PRKX: variants seen among roughly 807,000 people sequenced by gnomAD.
PRKX encodes the protein cAMP-dependent protein kinase catalytic subunit PRKX.
Under a neutral mutation model 22.0 loss-of-function variants are expected in PRKX, and 12 were observed. The ratio of observed to expected loss-of-function variants is 0.54; its 90% CI spans 0.35 to 0.88. The LOEUF is 0.88. PRKX is among the 40% of genes least tolerant of loss of function. The pLI is 0.01. For synonymous variants in PRKX, 134 were observed against 137.7 expected, an observed-to-expected ratio of 0.97 and a Z score of 0.19; for missense variants, 217 against 308.0, an observed-to-expected ratio of 0.70 and a Z score of 2.21.
chrX:3,681,197 C>T (rs1315954679), intron 1 of PRKX, among the ~76,000 whole-genome samples: 2 of 111,754 alleles, frequency 1.8e-5, no homozygotes, highest in Non-Finnish European at 3.8e-5. Flanking sequence ...GCCTGGGCAA[C>T]ATGGTGAGAT....
rs751417341 is a variant in PRKX at position 3,617,245 on chromosome X, C to A, written c.874-1353G>T. On this transcript the variant is annotated intron_variant, in intron 6 of 8. Coordinates refer to ENST00000262848, the MANE Select transcript of PRKX (RefSeq NM_005044.5). ...TACACATGTATTATATATATATATA[C>A]ACATATACATATGTACTTTACACAC... 2.9e-5 allele frequency among the ~76,000 whole-genome samples: 3 copies of A among 104,406 alleles called. No homozygotes were observed. In the East Asian group the frequency reaches 8.6e-4, roughly 30 times the overall value. The allele number at this position is 104,406 out of a possible 115,157, so 90.7% of individuals were successfully genotyped here. A position where few individuals can be genotyped will look rare whatever the true frequency, so the allele number is the denominator to read the frequency against.
At chrX:3,622,783 C>A (rs1926583806) in intron 5 of PRKX, among the ~76,000 whole-genome samples, 1 of 111,254 alleles carries the variant, frequency 9.0e-6, no homozygotes, top group African/African-American at 3.3e-5. Context: ...AAGTTAGAAA[C>A]CTTTCCACTA....
chrX:3,667,664 G>A (rs774106768), intron 2 of PRKX, among the ~76,000 whole-genome samples: 3 of 110,915 alleles, frequency 2.7e-5, no homozygotes, highest in Admixed American at 9.7e-5. Flanking sequence ...ATGCACAGCT[G>A]AGCCAGAGCC....
At chrX:3,702,055 T>C (rs1034361208) in intron 1 of PRKX, among the ~76,000 whole-genome samples, 3 of 112,109 alleles carry the variant, frequency 2.7e-5, no homozygotes, top group Admixed American at 9.5e-5. Flanking sequence ...CTCTATGGAT[T>C]TGCCTTGAAT....
chrX:3,676,174 T>C, intron 1 of PRKX, among the ~76,000 whole-genome samples: 1 of 111,893 alleles, frequency 8.9e-6, no homozygotes, highest in Admixed American at 9.6e-5. Flanking sequence ...CAGACAGAGA[T>C]GAGCAACTAA....
Position 3,606,360 on chromosome X carries a change from G to A in PRKX, c.*2609C>T, listed in dbSNP as rs1926173153. On this transcript the variant is annotated 3_prime_UTR_variant, in exon 9 of 9. Transcript: ENST00000262848. ...TGCGGACATTTTGGAATGCCCACCC[G>A]GGTCAGCTATTTGTATTTTTTTTAT... 8.9e-6 allele frequency: 1 copy of A among 111,844 alleles called. No homozygotes were observed. The highest frequency in any genetic ancestry group is 3.8e-4 in the South Asian group (1 of 2,655). 9.2% of individuals were successfully genotyped at this position (111,844 alleles called of 1,213,427 possible).
chrX:3,680,130 CTGTTGTTGTTGT>C (rs34465309), intron 1 of PRKX, among the ~76,000 whole-genome samples: 17 of 107,925 alleles, frequency 1.6e-4, no homozygotes, highest in Middle Eastern at 4.7e-3. Flanking sequence ...ACATCCTGGC[CTGTTGTTGTTGT>C]TGTTGTTGTT....
At chrX:3,706,984 G>A (rs1453127805) in intron 1 of PRKX, among the ~76,000 whole-genome samples, 1 of 111,279 alleles carries the variant, frequency 9.0e-6, no homozygotes, top group African/African-American at 3.3e-5. Context: ...TAAATTAGCT[G>A]AGTGTGGTGG....
chrX:3,631,968 A>G (rs1926793019), intron 4 of PRKX, among the ~76,000 whole-genome samples: 1 of 112,398 alleles, frequency 8.9e-6, no homozygotes, highest in Admixed American at 9.5e-5. Context: ...AGAACTACAC[A>G]CATGAACTGT....
intron 2 of PRKX, among the ~76,000 whole-genome samples, chrX:3,657,529 C>T (rs1329604852): frequency 1.8e-5 from 2 of 112,334 alleles, no homozygotes; most frequent in Non-Finnish European, 3.8e-5. Flanking sequence ...GTTTAATCCA[C>T]ACCGTCTATG....
At chrX:3,703,765 G>A (rs1368606374) in intron 1 of PRKX, among the ~76,000 whole-genome samples, 1 of 100,981 alleles carries the variant, frequency 9.9e-6, no homozygotes, top group Non-Finnish European at 2.0e-5. Flanking sequence ...TCTATCTCCC[G>A]GGTTCAAGTG....
chrX:3,677,536 GA>G (rs1927989644), intron 1 of PRKX, among the ~76,000 whole-genome samples: 1 of 104,815 alleles, frequency 9.5e-6, no homozygotes. Flanking sequence ...GTTTGAGAAG[GA>G]AAAAAAAAGA....
intron 5 of PRKX, among the ~76,000 whole-genome samples, chrX:3,622,550 A>T (rs1285215050): frequency 1.8e-5 from 2 of 110,673 alleles, no homozygotes; most frequent in African/African-American, 6.6e-5. Context: ...AGACTCCACC[A>T]TCTAGATTGT....
At chrX:3,672,729 A>C (rs1347063608) in intron 2 of PRKX, among the ~76,000 whole-genome samples, 1 of 111,157 alleles carries the variant, frequency 9.0e-6, no homozygotes, top group Non-Finnish European at 1.9e-5. Flanking sequence ...ACAGACATGC[A>C]TTCTCAGTCC....
chrX:3,671,148 T>C (rs750353205), intron 2 of PRKX, among the ~76,000 whole-genome samples: 26 of 111,911 alleles, frequency 2.3e-4, no homozygotes, highest in African/African-American at 7.1e-4. Context: ...GAGATTCTAG[T>C]GCCCCAGCCT....
chrX:3,613,854 C>CAAAAAAAAAAAAAAAAAAAAAAAA (rs1205221732), intron 7 of PRKX, among the ~76,000 whole-genome samples: 2 of 39,421 alleles, frequency 5.1e-5, no homozygotes, highest in Admixed American at 4.8e-4. Flanking sequence ...GACTCCATCT[C>CAAAAAAAAAAAAAAAAAAAAAAAA]AAAAAAAAAA....
At chrX:3,700,147 T>TTTCCTCGGTTACAATTCTAC (rs1928528132) in intron 1 of PRKX, among the ~76,000 whole-genome samples, 1 of 112,135 alleles carries the variant, frequency 8.9e-6, no homozygotes, top group Non-Finnish European at 1.9e-5. Context: ...TCCTAACAGT[T>TTTCCTCGGTTACAATTCTAC]TTCCTCGGTT....
rs139605813 is a variant in PRKX at position 3,613,999 on chromosome X, C to T, written c.952-1674G>A. On this transcript the variant is annotated intron_variant, in intron 7 of 8. Transcript: ENST00000262848. ...CTGAAGTGCAAAGGTGAAAACACTA[C>T]CATTGACCACTCCCATCAGTAACAT... 1.0e-3 allele frequency among the ~76,000 whole-genome samples: 114 copies of T among 110,846 alleles called. 1 individual carries two copies. The highest frequency in any genetic ancestry group is 4.6e-3 in the Middle Eastern group (1 of 218).
intron 4 of PRKX, among the ~76,000 whole-genome samples, chrX:3,636,733 A>G (rs1926894713): frequency 8.9e-6 from 1 of 111,742 alleles, no homozygotes; most frequent in Non-Finnish European, 1.9e-5. Context: ...GGTGGCGCAC[A>G]CCTGTAATCC....
Sources: allele counts gnomAD v4.1 joint callset (sites outside exome capture counted in the v4.1 genomes callset), GRCh38; gene constraint gnomAD v4.1.1; transcripts MANE v1.5; gene names NCBI Gene and HGNC (gene_info 2026-07-23, HGNC 2026-07-21).